Variants in CHD6 observed in about 807,000 individuals in gnomAD.
The protein encoded by CHD6 is chromodomain helicase DNA binding protein 6.
Under a neutral mutation model 276.9 loss-of-function variants are expected in CHD6, and 50 were observed. The observed-to-expected ratio is 0.18, with a 90% CI of 0.14 to 0.23. CHD6 has a LOEUF of 0.23. Among genes scored for constraint, CHD6 ranks in the 10% least tolerant of loss-of-function variants. The pLI is 1.00. For missense variants in CHD6, 2,564 were observed against 3,365.8 expected (o/e 0.76, Z 5.89); for synonymous variants, 1,173 against 1,229.3 (o/e 0.95, Z 0.96).
intron 3 of CHD6, among the ~76,000 whole-genome samples, chr20:41,527,533 A>G (rs1016683217): frequency 3.9e-5 from 6 of 152,224 alleles, no homozygotes; most frequent in African/African-American, 2.4e-5. Flanking sequence ...CACTCCCTGG[A>G]TATAGAGTAA....
At chr20:41,525,923 A>G (rs1182176410) in intron 3 of CHD6, among the ~76,000 whole-genome samples, 1 of 152,176 alleles carries the variant, frequency 6.6e-6, no homozygotes, top group East Asian at 1.9e-4. Flanking sequence ...AGCACCTCAA[A>G]TTCATAAAAG....
rs1034768477 is a variant in CHD6, at chr20:41,457,514, T to C, written c.2665-86A>G. 12 of 1,470,062 alleles carry C rather than the reference T, an allele frequency of 8.2e-6. No individual in the cohort carries two copies. The African/African-American group carries it at 1.4e-4, about 17-fold the overall frequency. The allele number at this position is 1,470,062 out of a possible 1,614,324, so 91.1% of individuals were successfully genotyped here. ...GGAATAGGGGAGTGCTTAAATGTCA[T>C]GTGGTGTGAGTGGCCAACTCTCGGT... On this transcript the variant is annotated intron_variant, in intron 17 of 36. Coordinates refer to ENST00000373233, the MANE Select transcript of CHD6 (RefSeq NM_032221.5).
intron 8 of CHD6, among the ~76,000 whole-genome samples, chr20:41,494,991 G>T (rs775007627): frequency 1.5e-4 from 23 of 152,070 alleles, no homozygotes; most frequent in Middle Eastern, 6.8e-3. Context: ...AGCAATAAGA[G>T]GATTCTTTCC....
At chr20:41,482,009 T>G (rs1364342200) in intron 16 of CHD6, among the ~76,000 whole-genome samples, 1 of 152,028 alleles carries the variant, frequency 6.6e-6, no homozygotes, top group Non-Finnish European at 1.5e-5. Flanking sequence ...TTCCGCATTT[T>G]CAAGAGAAAC....
intron 1 of CHD6, among the ~76,000 whole-genome samples, chr20:41,582,734 A>T (rs2045553930): frequency 6.6e-6 from 1 of 152,238 alleles, no homozygotes; most frequent in South Asian, 2.1e-4. Context: ...ATGTTAAAAA[A>T]TTTAGTAGAC....
Position 41,491,814 on chromosome 20 carries a change from C to A in CHD6, c.1320G>T (p.Arg440=). ...GTTTCTGCCAGGAGTCTGAAGCAGG[C>A]CGCTCCTAGGGAGGAAAGCAAACAG... ...QVLPEIKHVE[R]PASDSWQKLE... is the part of the protein sequence containing the mutation. The change falls in exon 11 of 37, where the codon CGG becomes CGT. Residue 440 remains arginine (R), a synonymous_variant. Coordinates refer to ENST00000373233, the MANE Select transcript of CHD6 (RefSeq NM_032221.5). The A allele has an allele frequency of 6.2e-7, 1 of 1,613,764 alleles. No individual in the cohort carries two copies. The highest frequency in any genetic ancestry group is 8.5e-7 in the Non-Finnish European group (1 of 1,179,762).
intron 1 of CHD6, among the ~76,000 whole-genome samples, chr20:41,609,643 G>A (rs1390937688): frequency 2.0e-5 from 3 of 152,118 alleles, no homozygotes; most frequent in African/African-American, 7.2e-5. Flanking sequence ...TGTTCTGTGA[G>A]TCTATAAACC....
chr20:41,508,794 T>A (rs923039577), intron 5 of CHD6, among the ~76,000 whole-genome samples: 42 of 151,596 alleles, frequency 2.8e-4, no homozygotes, highest in African/African-American at 1.0e-3. Flanking sequence ...AGGGTTTAAG[T>A]GAGACAGAGA....
chr20:41,614,353 C>T (rs188911061), intron 1 of CHD6, among the ~76,000 whole-genome samples: 297 of 152,080 alleles, frequency 2.0e-3, no homozygotes, highest in African/African-American at 6.7e-3. Flanking sequence ...CATGGGAGTC[C>T]GTTGAAAACT....
chr20:41,469,846 A>C (rs1390205105), intron 17 of CHD6, among the ~76,000 whole-genome samples: 1 of 152,264 alleles, frequency 6.6e-6, no homozygotes, highest in African/African-American at 2.4e-5. Flanking sequence ...AATATTGCTA[A>C]GATCTCTCAG....
chr20:41,483,426 T>C lies in CHD6; in HGVS notation c.2351A>G (p.Lys784Arg). ...QLQAMIQAAG[K>R]LVLIDKLLPK... ...GAGTAGTTTATCAATCAACACAAGCTTTCCTGCTGCCTGAATCATGGCCTG... is the reference window on the plus strand; with the variant it reads ...GAGTAGTTTATCAATCAACACAAGCCTTCCTGCTGCCTGAATCATGGCCTG... The change falls in exon 16 of 37, where the codon AAG becomes AGG. Residue 784 changes from lysine (K) to arginine (R), a missense_variant. Physicochemically the swap from Lys to Arg is conservative, Grantham distance 26 (BLOSUM62 2). Transcript: ENST00000373233. 6.2e-7 allele frequency: 1 copy of C among 1,613,834 alleles called. No homozygotes were observed. The highest frequency in any genetic ancestry group is 8.5e-7 in the Non-Finnish European group (1 of 1,179,870).
intron 5 of CHD6, among the ~76,000 whole-genome samples, chr20:41,511,259 C>T: frequency 6.6e-6 from 1 of 152,310 alleles, no homozygotes; most frequent in East Asian, 1.9e-4. Flanking sequence ...GCTACTGCTC[C>T]ATACAGTGTG....
At chr20:41,469,195 G>A (rs1203326210) in intron 17 of CHD6, among the ~76,000 whole-genome samples, 1 of 152,140 alleles carries the variant, frequency 6.6e-6, no homozygotes, top group Non-Finnish European at 1.5e-5. Flanking sequence ...TGCAGCAGCT[G>A]CATTATCTTG....
chr20:41,487,396 T>C (rs1451855515), intron 14 of CHD6, among the ~76,000 whole-genome samples: 1 of 152,068 alleles, frequency 6.6e-6, no homozygotes, highest in African/African-American at 2.4e-5. Context: ...GTGAAATTAG[T>C]GAAGCAAGGA....
In CHD6 at chr20:41,451,095, G is replaced by A. The variant is rs750792794; in HGVS notation, c.3534C>T (p.Ala1178=). ...TCCCCTTCCTCCCTCTGGGGACTGG[G>A]GCAGATAAGCCTGAAACAGAAAGAC... ...QTLQNHSGLS[A]PVPRGRKGKK... is the part of the protein sequence containing the mutation. Residue 1178 remains alanine, a synonymous_variant, in exon 23 of 37, where the codon GCC becomes GCT. Transcript: ENST00000373233. 9 of 1,613,740 alleles carry A rather than the reference G, an allele frequency of 5.6e-6. No homozygotes were observed. In the South Asian group the frequency reaches 7.7e-5, roughly 14 times the overall value.
chr20:41,571,310 A>G (rs946863082), intron 1 of CHD6, among the ~76,000 whole-genome samples: 3 of 152,170 alleles, frequency 2.0e-5, no homozygotes, highest in African/African-American at 7.2e-5. Flanking sequence ...ATGACAGCAA[A>G]ATGAAGAAGT....
At chr20:41,513,755 A>T (rs572806125) in intron 4 of CHD6, among the ~76,000 whole-genome samples, 1 of 152,278 alleles carries the variant, frequency 6.6e-6, no homozygotes, top group African/African-American at 2.4e-5. Flanking sequence ...TCACTCTCAA[A>T]TATTTAAATC....
chr20:41,441,185 G>A (rs2047890071), intron 25 of CHD6, among the ~76,000 whole-genome samples: 1 of 152,132 alleles, frequency 6.6e-6, no homozygotes, highest in South Asian at 2.1e-4. Context: ...AGTCTCTCAT[G>A]AGGTCGTGAG....
chr20:41,553,409 C>T (rs1374423360), intron 1 of CHD6, among the ~76,000 whole-genome samples: 1 of 152,236 alleles, frequency 6.6e-6, no homozygotes, highest in Non-Finnish European at 1.5e-5. Flanking sequence ...GTTGGACATG[C>T]TCACAGGCAC....
Sources: gnomAD v4.1 joint callset for allele counts (sites outside exome capture counted in the v4.1 genomes callset) on GRCh38, gnomAD v4.1.1 for gene constraint, MANE v1.5 for transcripts, NCBI Gene and HGNC (gene_info 2026-07-23, HGNC 2026-07-21) for gene names.